Variants in NUMB observed in about 807,000 individuals in gnomAD.
NUMB encodes the protein protein numb homolog.
In NUMB, 29 loss-of-function variants were observed where a neutral mutation model predicts 59.7. That is an observed-to-expected ratio of 0.49 (90% CI 0.36 to 0.66). The LOEUF is 0.66. Ranked by LOEUF, NUMB falls within the 30% of genes least tolerant of loss-of-function variation. The pLI is 0.00. For synonymous variants in NUMB, 288 were observed against 288.2 expected (o/e 1.00, Z 0.01); for missense variants, 723 against 822.0 (o/e 0.88, Z 1.47).
intron 4 of NUMB, among the ~76,000 whole-genome samples, chr14:73,352,485 T>TACACACACACACACACACAC (rs1566756130): frequency 2.6e-3 from 13 of 4,990 alleles, no homozygotes; most frequent in Admixed American, 7.0e-3. Context: ...CACATATATA[T>TACACACACACACACACACAC]ATATATATAT....
intron 1 of NUMB, among the ~76,000 whole-genome samples, chr14:73,435,881 C>T (rs1049460173): frequency 2.0e-5 from 3 of 151,716 alleles, no homozygotes; most frequent in African/African-American, 7.3e-5. Context: ...GTAGTGCACG[C>T]CTATAATCCA....
At chr14:73,278,056 A>AC (rs945010118) in intron 12 of NUMB, among the ~76,000 whole-genome samples, 7 of 141,462 alleles carry the variant, frequency 4.9e-5, no homozygotes, top group African/African-American at 1.5e-4. Flanking sequence ...AAAAAAAAAA[A>AC]AAAAAAAAAA....
intron 2 of NUMB, among the ~76,000 whole-genome samples, chr14:73,394,229 C>T (rs1896006426): frequency 6.6e-6 from 1 of 152,132 alleles, no homozygotes; most frequent in African/African-American, 2.4e-5. Context: ...CAGGCGTGAG[C>T]CACTGCATCC....
At chr14:73,319,720 A>G (rs1891295261) in intron 5 of NUMB, among the ~76,000 whole-genome samples, 1 of 152,240 alleles carries the variant, frequency 6.6e-6, no homozygotes, top group South Asian at 2.1e-4. Flanking sequence ...TAGTAAAAAT[A>G]TGAAAAGAAG....
chr14:73,425,027 T>C (rs1175852761), intron 1 of NUMB, among the ~76,000 whole-genome samples: 1 of 152,230 alleles, frequency 6.6e-6, no homozygotes, highest in Non-Finnish European at 1.5e-5. Context: ...GTCAGAACTA[T>C]GGTTGTCTAA....
chr14:73,280,304 CT>C (rs1245605127), intron 11 of NUMB, among the ~76,000 whole-genome samples: 1 of 152,148 alleles, frequency 6.6e-6, no homozygotes, highest in Non-Finnish European at 1.5e-5. Context: ...TATTATCCCC[CT>C]ATTACAGATG....
rs1888171596 is a variant in NUMB at position 73,276,626 on chromosome 14, G to C, written c.1908C>G (p.Thr636=). 1 of 1,614,114 alleles carries C rather than the reference G, an allele frequency of 6.2e-7. No homozygotes were observed. Among genetic ancestry groups the C allele is most frequent in the South Asian group, 1.1e-5 (1 of 91,084 alleles). Residue 636 remains threonine (T), a synonymous_variant, in exon 13 of 13, where the codon ACC becomes ACG. Transcript: ENST00000555238. ...TCTGTAAGTCACTGGAGAAAGGGTT[G>C]GTAGGGGAGGGATTAGTACGCTGCT... ...KSKQRTNPSP[T]NPFSSDLQKT...
intron 2 of NUMB, among the ~76,000 whole-genome samples, chr14:73,395,092 T>TGTGTGTGTGTGTGTGTGTGTG (rs1896064910): frequency 1.4e-5 from 2 of 141,750 alleles, no homozygotes; most frequent in Non-Finnish European, 1.5e-5. Flanking sequence ...TGTGTGTGTG[T>TGTGTGTGTGTGTGTGTGTGTG]TACATGTGGC....
intron 2 of NUMB, among the ~76,000 whole-genome samples, chr14:73,393,205 C>T (rs1895942945): frequency 6.6e-6 from 1 of 152,168 alleles, no homozygotes; most frequent in African/African-American, 2.4e-5. Flanking sequence ...AGATGGTTTT[C>T]AGCAGCCCAA....
intron 12 of NUMB, among the ~76,000 whole-genome samples, 197 bp downstream of exon 12, chr14:73,279,084 G>A (rs1487070030): frequency 6.6e-6 from 1 of 152,200 alleles, no homozygotes; most frequent in African/African-American, 2.4e-5. Context: ...CTGTTCCACA[G>A]TCCTAATGAC....
At chr14:73,336,208 T>C (rs1892305022) in intron 4 of NUMB, among the ~76,000 whole-genome samples, 3 of 152,224 alleles carry the variant, frequency 2.0e-5, no homozygotes, top group Non-Finnish European at 2.9e-5. Flanking sequence ...ACCTCTCTGT[T>C]AAAGCTTACC....
At chr14:73,351,317 C>A (rs1352274652) in intron 4 of NUMB, among the ~76,000 whole-genome samples, 2 of 151,748 alleles carry the variant, frequency 1.3e-5, no homozygotes, top group Non-Finnish European at 2.9e-5. Flanking sequence ...ACTAAAAATA[C>A]AAAAATTAGC....
intron 4 of NUMB, among the ~76,000 whole-genome samples, chr14:73,355,317 T>C (rs563643242): frequency 3.0e-4 from 45 of 152,350 alleles, no homozygotes; most frequent in African/African-American, 9.9e-4. Context: ...CACTGAAAAT[T>C]TGAGTCCTGA....
At chr14:73,453,646 C>A (rs2140214265) in intron 1 of NUMB, among the ~76,000 whole-genome samples, 1 of 147,650 alleles carries the variant, frequency 6.8e-6, no homozygotes, top group East Asian at 2.0e-4. Context: ...CTCGCTTTGT[C>A]GCCCAGGATG....
Position 73,423,809 on chromosome 14 carries a change from C to G in NUMB, c.-232-13741G>C, listed in dbSNP as rs1323834674. ...TGGGCGTCAGAGCAAGATTCTGTCT[C>G]AAAAAAATTAGCCAGGCATGGTGGT... On this transcript the variant is annotated intron_variant, in intron 1 of 12. Transcript: ENST00000555238. 2.7e-5 allele frequency among the ~76,000 whole-genome samples: 4 copies of G among 147,120 alleles called. No individual in the cohort carries two copies. The East Asian group carries it at 6.1e-4, about 22-fold the overall frequency.
chr14:73,416,734 T>TG (rs915206855), intron 1 of NUMB, among the ~76,000 whole-genome samples: 1 of 151,752 alleles, frequency 6.6e-6, no homozygotes, highest in Non-Finnish European at 1.5e-5. Context: ...CCCAGCTACT[T>TG]GGGGGGCTGA....
intron 1 of NUMB, among the ~76,000 whole-genome samples, chr14:73,456,949 T>C (rs1189484330): frequency 1.3e-5 from 2 of 152,200 alleles, no homozygotes; most frequent in Non-Finnish European, 2.9e-5. Flanking sequence ...TTACCTTCTA[T>C]TTAAGAAGTC....
At position 73,287,405 on chromosome 14, in the gene NUMB, G is replaced by C. The variant is rs530371160; in HGVS notation, c.451-91C>G. 3.3e-4 allele frequency: 374 copies of C among 1,140,280 alleles called. 6 individuals carry two copies. The South Asian group carries it at 5.5e-3, about 17-fold the overall frequency. 70.6% of individuals were successfully genotyped at this position (1,140,280 alleles called of 1,614,324 possible). ...TTTGTTTTGTTTTGTTTTTGAGACA[G>C]AGTCTTACTGTTACCCAGGCTGGAG... is the stretch of plus-strand genomic sequence containing the variant. On this transcript the variant is annotated intron_variant, in intron 8 of 12. Coordinates refer to ENST00000555238, the MANE Select transcript of NUMB (RefSeq NM_001005743.2).
chr14:73,353,403 A>G (rs1455424011), intron 4 of NUMB, among the ~76,000 whole-genome samples: 1 of 150,808 alleles, frequency 6.6e-6, no homozygotes, highest in Non-Finnish European at 1.5e-5. Context: ...AGTTTCTTTA[A>G]CCAATTCCAG....
Sources: allele counts gnomAD v4.1 joint callset (sites outside exome capture counted in the v4.1 genomes callset), GRCh38; gene constraint gnomAD v4.1.1; transcripts MANE v1.5; gene names NCBI Gene and HGNC (gene_info 2026-07-23, HGNC 2026-07-21).